The following EHD4 variants were observed in gnomAD, a reference collection of about 807,000 sequenced individuals.
EHD4 encodes EH domain-containing protein 4.
Under a neutral mutation model 51.0 loss-of-function variants are expected in EHD4, and 37 were observed. That is an observed-to-expected ratio of 0.73 (90% confidence interval 0.56 to 0.95). The LOEUF (loss-of-function observed/expected upper bound fraction) is 0.95, where lower values mean the gene tolerates loss of function less well. Ranked by LOEUF, EHD4 falls within the 40% of genes least tolerant of loss-of-function variation. The pLI is 0.00. For synonymous variants in EHD4, 297 were observed against 317.3 expected (o/e 0.94, Z 0.68); for missense variants, 632 against 733.1 (o/e 0.86, Z 1.59).
chr15:41,934,808 A>G (rs2067721476), intron 3 of EHD4, among the ~76,000 whole-genome samples: 1 of 152,236 alleles, frequency 6.6e-6, no homozygotes, highest in Admixed American at 6.5e-5. Flanking sequence ...GCCGAAGGAA[A>G]GAGAAAAACC....
intron 5 of EHD4, among the ~76,000 whole-genome samples, chr15:41,907,115 G>A (rs1382616707): frequency 6.6e-6 from 1 of 152,202 alleles, no homozygotes. Context: ...GGGACCAGCA[G>A]GAGAGGCCTG....
At chr15:41,949,039 TATATATATATATACACAC>T (rs2067834823) in intron 2 of EHD4, among the ~76,000 whole-genome samples, 2 of 130,836 alleles carry the variant, frequency 1.5e-5, no homozygotes, top group Non-Finnish European at 3.2e-5. Context: ...TATATATATA[TATATATATATATACACAC>T]ATACACACAC....
At chr15:41,949,306 G>A (rs1357890186) in intron 2 of EHD4, among the ~76,000 whole-genome samples, 1 of 151,736 alleles carries the variant, frequency 6.6e-6, no homozygotes, top group African/African-American at 2.4e-5. Context: ...GGAGGCAGAG[G>A]TTGCAGTGAG....
At chr15:41,958,225 C>T (rs150883712) in intron 1 of EHD4, among the ~76,000 whole-genome samples, 2 of 152,006 alleles carry the variant, frequency 1.3e-5, no homozygotes, top group Non-Finnish European at 2.9e-5. Context: ...TTTGCTCCCC[C>T]TTTCCTGTGT....
At chr15:41,933,899 G>A (rs1443983533) in intron 3 of EHD4, among the ~76,000 whole-genome samples, 1 of 152,112 alleles carries the variant, frequency 6.6e-6, no homozygotes, top group Non-Finnish European at 1.5e-5. Context: ...CAGGCCTCAC[G>A]CCCTCCCTGT....
At chr15:41,936,025 C>G (rs2067729368) in intron 3 of EHD4, among the ~76,000 whole-genome samples, 1 of 152,222 alleles carries the variant, frequency 6.6e-6, no homozygotes, top group Non-Finnish European at 1.5e-5. Flanking sequence ...AGTATGACAA[C>G]TACTAAGAGT....
chr15:41,921,608 T>G (rs1412803964), intron 3 of EHD4: 1 of 152,216 alleles, frequency 6.6e-6, no homozygotes, highest in African/African-American at 2.4e-5. Context: ...GCATGGGGAC[T>G]TGCTTTTCCA....
chr15:41,928,943 G>C (rs139647164), intron 3 of EHD4: 2 of 152,412 alleles, frequency 1.3e-5, no homozygotes, highest in Non-Finnish European at 2.9e-5. Flanking sequence ...AACCCGGTCT[G>C]GGAGACTGCC....
intron 4 of EHD4, among the ~76,000 whole-genome samples, chr15:41,916,735 C>T (rs563085626): frequency 7.2e-5 from 11 of 152,348 alleles, no homozygotes; most frequent in Non-Finnish European, 1.5e-4. Flanking sequence ...CGGGTGAGCC[C>T]GCTTCCTGTC....
chr15:41,950,026 C>T (rs181503454), intron 2 of EHD4, among the ~76,000 whole-genome samples: 5 of 152,204 alleles, frequency 3.3e-5, no homozygotes, highest in African/African-American at 4.8e-5. Context: ...CTGAGGAATT[C>T]GTCGTGAGCA....
At chr15:41,959,002 C>T (rs1408641964) in intron 1 of EHD4, among the ~76,000 whole-genome samples, 2 of 152,168 alleles carry the variant, frequency 1.3e-5, no homozygotes, top group African/African-American at 4.8e-5. Flanking sequence ...TGAATCATAA[C>T]AAATACACAA....
chr15:41,967,491 T>G (rs541643518), intron 1 of EHD4, among the ~76,000 whole-genome samples: 1 of 152,354 alleles, frequency 6.6e-6, no homozygotes, highest in African/African-American at 2.4e-5. Flanking sequence ...TCTAATTTTC[T>G]GTAAAAATTA....
intron 3 of EHD4, 145 bp downstream of exon 3, chr15:41,942,922 T>C (rs1205397544): frequency 1.5e-6 from 1 of 646,492 alleles, no homozygotes; most frequent in Non-Finnish European, 2.7e-6. Flanking sequence ...TGCTATGAAC[T>C]CCTGGTTGAC....
intron 3 of EHD4, chr15:41,929,000 G>A (rs2067681508): frequency 6.6e-6 from 1 of 152,250 alleles, no homozygotes; most frequent in South Asian, 2.1e-4. Context: ...GGCTGGATGT[G>A]AGTTCACCTC....
At chr15:41,940,443 C>A (rs2067762003) in intron 3 of EHD4, among the ~76,000 whole-genome samples, 1 of 152,190 alleles carries the variant, frequency 6.6e-6, no homozygotes, top group South Asian at 2.1e-4. Context: ...AGCTGCTTTA[C>A]AACAGTATGC....
chr15:41,966,708 A>G (rs2067963930), intron 1 of EHD4, among the ~76,000 whole-genome samples: 1 of 152,218 alleles, frequency 6.6e-6, no homozygotes, highest in East Asian at 1.9e-4. Context: ...GTCCTGGGCC[A>G]AGCCTGAAGC....
chr15:41,918,925 A>G (rs2067603588), intron 4 of EHD4, among the ~76,000 whole-genome samples: 1 of 152,220 alleles, frequency 6.6e-6, no homozygotes. Flanking sequence ...CACTATGCCA[A>G]GTGCTCTGTC....
rs181806766 is a variant in EHD4 at position 41,934,660 on chromosome 15, T to C, written c.511+8407A>G. Reference sequence around the variant, plus strand: ...CCAGGTGATAACTGTCTGTGGACCCTGGGGCTCACCGTGCTAGTCTTCCGA... The same window carrying C: ...CCAGGTGATAACTGTCTGTGGACCCCGGGGCTCACCGTGCTAGTCTTCCGA... On this transcript the variant is annotated intron_variant, in intron 3 of 5. Transcript: ENST00000220325. Among the ~76,000 whole-genome samples the C allele has an allele frequency of 2.6e-4, 40 of 152,254 alleles. 1 individual carries two copies. The East Asian group carries it at 7.7e-3, about 29-fold the overall frequency.
intron 5 of EHD4, among the ~76,000 whole-genome samples, chr15:41,903,074 G>C (rs2067488500): frequency 6.6e-6 from 1 of 151,842 alleles, no homozygotes; most frequent in African/African-American, 2.4e-5. Context: ...GATGAAAAGT[G>C]TCTTCAACAG....
Sources: allele counts gnomAD v4.1 joint callset (sites outside exome capture counted in the v4.1 genomes callset), GRCh38; gene constraint gnomAD v4.1.1; transcripts MANE v1.5; gene names NCBI Gene and HGNC (gene_info 2026-07-23, HGNC 2026-07-21).